Variants in KHDRBS3 observed in about 807,000 individuals in gnomAD.
KHDRBS3 encodes KH RNA binding domain containing, signal transduction associated 3, also known as KH domain-containing, RNA-binding, signal transduction-associated protein 3.
KHDRBS3 carries 23 observed loss-of-function variants against 45.6 expected under a neutral mutation model. The ratio of observed to expected loss-of-function variants is 0.50; its 90% CI spans 0.36 to 0.72. The LOEUF (loss-of-function observed/expected upper bound fraction) is 0.72, where lower values mean the gene tolerates loss of function less well. Ranked by LOEUF, KHDRBS3 falls within the 30% of genes least tolerant of loss-of-function variation. The pLI is 0.00. For missense variants in KHDRBS3, 352 were observed against 424.8 expected, an observed-to-expected ratio of 0.83 and a Z score of 1.51; for synonymous variants, 162 against 156.5, an observed-to-expected ratio of 1.04 and a Z score of -0.26.
rs1229613579 is a variant in KHDRBS3 at position 135,647,258 on chromosome 8, A to AAAG, written c.*176_*178dup. The AAAG allele has an allele frequency of 1.1e-4, 43 of 400,500 alleles. No individual in the cohort carries two copies. The East Asian group carries it at 1.6e-3, about 15-fold the overall frequency. The allele number at this position is 400,500 out of a possible 1,614,324, so 24.8% of individuals were successfully genotyped here. On this transcript the variant is annotated 3_prime_UTR_variant, in exon 9 of 9. Coordinates refer to ENST00000355849, the MANE Select transcript of KHDRBS3 (RefSeq NM_006558.3). ...TCAACCTGGGCAGAAAAAAAAAAAA[A>AAAG]AAGACATGTAAAATTTTGTTATTTC...
At chr8:135,577,986 A>G (rs938503713) in intron 5 of KHDRBS3, among the ~76,000 whole-genome samples, 2 of 152,274 alleles carry the variant, frequency 1.3e-5, no homozygotes, top group Admixed American at 6.5e-5. Flanking sequence ...CTAGTGACAA[A>G]TGATGTTGAA....
At chr8:135,577,422 C>G (rs1306084186) in intron 5 of KHDRBS3, among the ~76,000 whole-genome samples, 1 of 149,042 alleles carries the variant, frequency 6.7e-6, no homozygotes, top group Non-Finnish European at 1.5e-5. Context: ...TTCTCTCCAC[C>G]CCTTAAACTG....
chr8:135,526,835 A>G (rs890404777), intron 2 of KHDRBS3, among the ~76,000 whole-genome samples: 2 of 152,058 alleles, frequency 1.3e-5, no homozygotes. Flanking sequence ...CACTCTCTTG[A>G]GTTATGTATC....
At chr8:135,491,932 C>CTT (rs11327928) in intron 1 of KHDRBS3, among the ~76,000 whole-genome samples, 4 of 144,202 alleles carry the variant, frequency 2.8e-5, no homozygotes, top group Admixed American at 2.1e-4. Context: ...GTGCCAACTT[C>CTT]TTTTTTTTTT....
chr8:135,638,732 G>A (rs1424785774), intron 7 of KHDRBS3, among the ~76,000 whole-genome samples: 1 of 152,148 alleles, frequency 6.6e-6, no homozygotes, highest in Non-Finnish European at 1.5e-5. Context: ...GGCACATCAC[G>A]AGGTCAGGAG....
intron 7 of KHDRBS3, among the ~76,000 whole-genome samples, chr8:135,639,824 GA>G (rs968839260): frequency 1.6e-4 from 24 of 152,270 alleles, no homozygotes; most frequent in African/African-American, 5.8e-4. Flanking sequence ...TCACCGAGGG[GA>G]TGTTGCTAAA....
Position 135,457,646 on chromosome 8 carries a change from C to A in KHDRBS3, c.-221C>A, listed in dbSNP as rs1489380512. 6.8e-6 allele frequency: 1 copy of A among 147,472 alleles called. No individual in the cohort carries two copies. Among genetic ancestry groups the A allele is most frequent in the Admixed American group, 6.8e-5 (1 of 14,772 alleles). The allele number at this position is 147,472 out of a possible 1,614,324, so 9.1% of individuals were successfully genotyped here. A position where few individuals can be genotyped will look rare whatever the true frequency, so the allele number is the denominator to read the frequency against. On this transcript the variant is annotated 5_prime_UTR_variant, in exon 1 of 9. Transcript: ENST00000355849. The surrounding 1 kb of genome is among the most constrained non-coding windows in gnomAD (Gnocchi z 4.4). ...CCCGCGCCCGGAGCGCGGGGGCCGC[C>A]GGCGCTGGGTACTCGGCGGCCACCG...
At chr8:135,584,381 G>A (rs1828361295) in intron 6 of KHDRBS3, among the ~76,000 whole-genome samples, 1 of 152,240 alleles carries the variant, frequency 6.6e-6, no homozygotes, top group Non-Finnish European at 1.5e-5. Context: ...GGGTGGTATA[G>A]TGGGACACCA....
intron 1 of KHDRBS3, among the ~76,000 whole-genome samples, chr8:135,481,877 G>A (rs970536802): frequency 1.3e-5 from 2 of 152,162 alleles, no homozygotes; most frequent in African/African-American, 2.4e-5. Flanking sequence ...CAAGTAGAAA[G>A]CATTTATTTG....
intron 4 of KHDRBS3, among the ~76,000 whole-genome samples, chr8:135,555,309 A>G (rs1826821189): frequency 6.6e-6 from 1 of 152,160 alleles, no homozygotes; most frequent in Non-Finnish European, 1.5e-5. Flanking sequence ...CATGTGGCCC[A>G]GGAAGGCTTT....
intron 3 of KHDRBS3, among the ~76,000 whole-genome samples, chr8:135,547,023 A>G (rs975163442): frequency 1.3e-5 from 2 of 152,162 alleles, no homozygotes; most frequent in African/African-American, 4.8e-5. Flanking sequence ...TTAGAAAAGG[A>G]TAAGTGTTTG....
intron 7 of KHDRBS3, among the ~76,000 whole-genome samples, chr8:135,640,313 G>A (rs1831008334): frequency 6.6e-6 from 1 of 152,116 alleles, no homozygotes; most frequent in Non-Finnish European, 1.5e-5. Flanking sequence ...CAAAGAGGTT[G>A]CAGGAGTAGA....
intron 5 of KHDRBS3, among the ~76,000 whole-genome samples, chr8:135,580,748 G>A (rs1828165557): frequency 6.6e-6 from 1 of 151,920 alleles, no homozygotes; most frequent in African/African-American, 2.4e-5. Context: ...AAGTAGCTGG[G>A]ACTATAGGCA....
chr8:135,498,728 G>A (rs1003300862), intron 1 of KHDRBS3, among the ~76,000 whole-genome samples: 7 of 151,904 alleles, frequency 4.6e-5, no homozygotes, highest in South Asian at 2.1e-4. Flanking sequence ...ATATCATTAC[G>A]TATGCATAGA....
chr8:135,488,055 A>T (rs1822954516), intron 1 of KHDRBS3, among the ~76,000 whole-genome samples: 1 of 152,202 alleles, frequency 6.6e-6, no homozygotes, highest in Non-Finnish European at 1.5e-5. Flanking sequence ...GTCTATATAC[A>T]TGTGTATGTA....
intron 1 of KHDRBS3, among the ~76,000 whole-genome samples, chr8:135,489,247 T>A (rs566199749): frequency 6.6e-6 from 1 of 152,288 alleles, no homozygotes; most frequent in East Asian, 1.9e-4. Context: ...CCTGTTTTTT[T>A]GTTTGGTTTT....
At chr8:135,490,478 T>C (rs1297150303) in intron 1 of KHDRBS3, among the ~76,000 whole-genome samples, 1 of 152,202 alleles carries the variant, frequency 6.6e-6, no homozygotes. Context: ...AGGCTGCCTG[T>C]ACATATTGAA....
At chr8:135,568,918 T>C (rs1827561454) in intron 5 of KHDRBS3, among the ~76,000 whole-genome samples, 1 of 152,216 alleles carries the variant, frequency 6.6e-6, no homozygotes, top group Non-Finnish European at 1.5e-5. Flanking sequence ...AAAGCAGCCT[T>C]TCATTATCAG....
At chr8:135,612,513 A>G (rs568039998) in intron 7 of KHDRBS3, among the ~76,000 whole-genome samples, 1 of 152,020 alleles carries the variant, frequency 6.6e-6, no homozygotes, top group South Asian at 2.1e-4. Flanking sequence ...TTTCAGATGC[A>G]CTGGTGGGCA....
Sources: gnomAD v4.1 joint callset for allele counts (sites outside exome capture counted in the v4.1 genomes callset) on GRCh38, gnomAD v4.1.1 for gene constraint, Gnocchi (gnomAD v3.1) non-coding constraint, MANE v1.5 for transcripts, NCBI Gene and HGNC (gene_info 2026-07-23, HGNC 2026-07-21) for gene names.